Variants in EYA2 observed in about 807,000 individuals in gnomAD.
The protein encoded by EYA2 is EYA transcriptional coactivator and phosphatase 2.
A neutral mutation model predicts 69.2 loss-of-function variants in EYA2; 31 were observed. That is an observed-to-expected ratio of 0.45 (90% CI 0.34 to 0.60). The LOEUF (loss-of-function observed/expected upper bound fraction) is 0.60, where lower values mean the gene tolerates loss of function less well. EYA2 is among the 20% of genes least tolerant of loss of function. The pLI, the probability that EYA2 is intolerant of heterozygous loss-of-function variation, is 0.02. For missense variants in EYA2, 622 were observed against 701.2 expected, an observed-to-expected ratio of 0.89 and a Z score of 1.28; for synonymous variants, 257 against 279.4, an observed-to-expected ratio of 0.92 and a Z score of 0.80.
At chr20:46,920,250 A>G (rs1483899811) in intron 1 of EYA2, among the ~76,000 whole-genome samples, 3 of 150,860 alleles carry the variant, frequency 2.0e-5, no homozygotes, top group African/African-American at 7.3e-5. Context: ...AAAAAACAGT[A>G]TCTGCAAAGT....
intron 8 of EYA2, among the ~76,000 whole-genome samples, 187 bp downstream of exon 8, chr20:47,089,568 T>A (rs2032009829): frequency 6.6e-6 from 1 of 152,214 alleles, no homozygotes; most frequent in South Asian, 2.1e-4. Flanking sequence ...AGAGAGGTTC[T>A]CAAACTGAAG....
At chr20:47,018,908 C>T (rs1346013530) in intron 5 of EYA2, among the ~76,000 whole-genome samples, 1 of 152,164 alleles carries the variant, frequency 6.6e-6, no homozygotes, top group Non-Finnish European at 1.5e-5. Context: ...ATTTCCTGGA[C>T]TCCTTCAGGA....
At position 47,148,140 on chromosome 20, in the gene EYA2, C is replaced by T. The variant is rs115011832; in HGVS notation, c.978+4992C>T. Among the ~76,000 whole-genome samples the T allele has an allele frequency of 3.4e-3, 521 of 152,150 alleles. 3 individuals are homozygous for T. The highest frequency in any genetic ancestry group is 0.012 in the African/African-American group (492 of 41,500). ...CAGCTGTATCTTAGGATATTCTGCA[C>T]GCATGTCCCAAGTTGAGGACAAAAG... is the stretch of plus-strand genomic sequence containing the variant. On this transcript the variant is annotated intron_variant, in intron 10 of 15. Coordinates refer to ENST00000327619, the MANE Select transcript of EYA2 (RefSeq NM_005244.5).
chr20:46,951,229 T>A (rs921247267), intron 1 of EYA2, among the ~76,000 whole-genome samples: 1 of 152,156 alleles, frequency 6.6e-6, no homozygotes, highest in African/African-American at 2.4e-5. Context: ...ATTAGTGGAA[T>A]GGTTTCCTGA....
intron 1 of EYA2, among the ~76,000 whole-genome samples, chr20:46,948,575 G>A (rs1978614497): frequency 6.6e-6 from 1 of 152,170 alleles, no homozygotes; most frequent in South Asian, 2.1e-4. Context: ...CAGGGTTAGT[G>A]CTGAGTAAAC....
At chr20:47,161,170 G>A (rs928001407) in intron 10 of EYA2, 11 of 390,822 alleles carry the variant, frequency 2.8e-5, no homozygotes, top group Non-Finnish European at 5.2e-5. Flanking sequence ...AGCCACAGTG[G>A]CCTGTCACCT....
chr20:47,180,106 C>A (rs543250375), intron 13 of EYA2, among the ~76,000 whole-genome samples, 194 bp downstream of exon 13: 1 of 152,094 alleles, frequency 6.6e-6, no homozygotes, highest in Non-Finnish European at 1.5e-5. Context: ...GATCTCGGCT[C>A]ATCACAACCT....
At chr20:47,088,327 C>T (rs1418333123) in intron 7 of EYA2, among the ~76,000 whole-genome samples, 3 of 152,232 alleles carry the variant, frequency 2.0e-5, no homozygotes. Flanking sequence ...CCCCGTTTAC[C>T]TCTGGGGCAG....
chr20:47,027,964 A>G (rs1279157161), intron 5 of EYA2, among the ~76,000 whole-genome samples: 1 of 152,224 alleles, frequency 6.6e-6, no homozygotes, highest in Admixed American at 6.5e-5. Flanking sequence ...CCTAAAATTC[A>G]TATGTTGAAG....
At chr20:47,161,466 G>A in intron 10 of EYA2, 1 of 447,598 alleles carries the variant, frequency 2.2e-6, no homozygotes, top group Non-Finnish European at 4.3e-6. Flanking sequence ...CTCTTTGATG[G>A]CCAGGAAGAA....
intron 9 of EYA2, among the ~76,000 whole-genome samples, chr20:47,129,879 G>T (rs1162779341): frequency 2.6e-5 from 4 of 152,162 alleles, no homozygotes; most frequent in African/African-American, 9.7e-5. Context: ...TTATTTTGGG[G>T]AACTATCTCT....
intron 3 of EYA2, 104 bp downstream of exon 3, chr20:47,001,577 G>A: frequency 8.2e-7 from 1 of 1,218,958 alleles, no homozygotes; most frequent in Non-Finnish European, 1.2e-6. Flanking sequence ...CCCTGGATAG[G>A]AATCCCAGCC....
intron 1 of EYA2, among the ~76,000 whole-genome samples, chr20:46,929,222 G>A (rs1370891074): frequency 2.0e-5 from 3 of 151,526 alleles, no homozygotes; most frequent in African/African-American, 7.3e-5. Context: ...GGAAGGAGGA[G>A]AGGGCAGACA....
chr20:46,929,984 C>T (rs1192925840), intron 1 of EYA2, among the ~76,000 whole-genome samples: 3 of 152,138 alleles, frequency 2.0e-5, no homozygotes, highest in Non-Finnish European at 2.9e-5. Context: ...AAGTCTTTTC[C>T]ATTGCTAAGA....
chr20:47,025,324 G>C (rs1181770035), intron 5 of EYA2, among the ~76,000 whole-genome samples: 3 of 152,116 alleles, frequency 2.0e-5, no homozygotes, highest in Admixed American at 6.5e-5. Flanking sequence ...TCTGATTTTA[G>C]TGCACAGGTT....
At chr20:47,069,262 G>A (rs886445770) in intron 5 of EYA2, among the ~76,000 whole-genome samples, 4 of 152,198 alleles carry the variant, frequency 2.6e-5, no homozygotes, top group African/African-American at 9.6e-5. Context: ...GGGAAGCTGA[G>A]GCAGGTGGAT....
At chr20:47,025,408 A>G (rs1317217986) in intron 5 of EYA2, among the ~76,000 whole-genome samples, 1 of 152,228 alleles carries the variant, frequency 6.6e-6, no homozygotes, top group Non-Finnish European at 1.5e-5. Context: ...CTTTTCACAG[A>G]TAACATCCTA....
intron 1 of EYA2, among the ~76,000 whole-genome samples, chr20:46,967,946 A>C (rs184516579): frequency 1.3e-5 from 2 of 152,200 alleles, no homozygotes; most frequent in Non-Finnish European, 2.9e-5. Context: ...CTGGCTGACC[A>C]TGGGCTCTGC....
At chr20:47,007,278 A>G (rs947012) in intron 4 of EYA2, among the ~76,000 whole-genome samples, 9 of 152,248 alleles carry the variant, frequency 5.9e-5, no homozygotes, top group African/African-American at 1.9e-4. Context: ...GATGCACGGC[A>G]TAAAGGAAGC....
Sources: allele counts gnomAD v4.1 joint callset (sites outside exome capture counted in the v4.1 genomes callset), GRCh38; gene constraint gnomAD v4.1.1; transcripts MANE v1.5; gene names NCBI Gene and HGNC (gene_info 2026-07-23, HGNC 2026-07-21).